Variants in PAX2 observed in about 807,000 individuals in gnomAD.
PAX2 encodes paired box 2, also known as paired box protein Pax-2.
PAX2 carries 9 observed loss-of-function variants against 41.7 expected under a neutral mutation model. The ratio of observed to expected loss-of-function variants is 0.22; its 90% CI spans 0.13 to 0.38. The LOEUF (loss-of-function observed/expected upper bound fraction) is 0.38, where lower values mean the gene tolerates loss of function less well. Among genes scored for constraint, PAX2 ranks in the 10% least tolerant of loss-of-function variants. The pLI, the probability that PAX2 is intolerant of heterozygous loss-of-function variation, is 1.00. For missense variants in PAX2, 418 were observed against 531.6 expected, an observed-to-expected ratio of 0.79 and a Z score of 2.10; for synonymous variants, 221 against 212.7, an observed-to-expected ratio of 1.04 and a Z score of -0.34.
At chr10:100,765,916 TATCATC>T (rs35255034) in intron 3 of PAX2, among the ~76,000 whole-genome samples, 16,179 of 150,868 alleles carry the variant, frequency 0.11, 2,339 homozygotes, top group African/African-American at 0.33. Context: ...CCTTTATATT[TATCATC>T]ATCATCATCA....
At chr10:100,737,621 G>C (rs953655463) in intron 1 of PAX2, among the ~76,000 whole-genome samples, 8 of 152,364 alleles carry the variant, frequency 5.3e-5, no homozygotes, top group Admixed American at 5.2e-4. Flanking sequence ...GCTCCGCAGA[G>C]CAGAGCTGCA....
chr10:100,738,776 G>A (rs1176195727), intron 1 of PAX2, among the ~76,000 whole-genome samples: 11 of 152,112 alleles, frequency 7.2e-5, no homozygotes, highest in Admixed American at 5.9e-4. Context: ...AAATAATTCT[G>A]GATGTAGGTG....
Position 100,750,600 on chromosome 10 carries a change from G to A in PAX2, c.213-94G>A, listed in dbSNP as rs1189680211. On this transcript the variant is annotated intron_variant, in intron 2 of 9. Coordinates refer to ENST00000355243, the MANE Select transcript of PAX2 (RefSeq NM_000278.5). This position sits in a 1 kb window ranked among gnomAD's most constrained non-coding sequence, Gnocchi z 4.1. ...TTCCCTCCACTCCGCTGCCTCGGCC[G>A]GGCAGGAGAGTGGCTCAGCAGCTCT... 6 of 1,126,276 alleles carry A rather than the reference G, an allele frequency of 5.3e-6. No homozygotes were observed. The highest frequency in any genetic ancestry group is 3.9e-5 in the Admixed American group (2 of 51,446). 69.8% of individuals were successfully genotyped at this position (1,126,276 alleles called of 1,614,324 possible). A position where few individuals can be genotyped will look rare whatever the true frequency, so the allele number is the denominator to read the frequency against.
At chr10:100,741,433 A>G (rs1463576477), upstream of PAX2, among the ~76,000 whole-genome samples, 5 of 128,946 alleles carry the variant, frequency 3.9e-5, 1 homozygote, top group African/African-American at 5.9e-5. Flanking sequence ...AAAAAAAACC[A>G]TCCTCCAACG....
chr10:100,742,638 G>T (rs542285778), upstream of PAX2, among the ~76,000 whole-genome samples: 5 of 152,042 alleles, frequency 3.3e-5, no homozygotes, highest in African/African-American at 9.7e-5. Flanking sequence ...TTAAATTTCC[G>T]CAGGGAGGCG....
At chr10:100,762,381 G>T (rs1361062381) in intron 3 of PAX2, among the ~76,000 whole-genome samples, 2 of 152,240 alleles carry the variant, frequency 1.3e-5, no homozygotes, top group African/African-American at 2.4e-5. Context: ...AGGACATTGT[G>T]CATGCACGCC....
At chr10:100,761,251 C>T (rs1845832548) in intron 3 of PAX2, among the ~76,000 whole-genome samples, 1 of 151,948 alleles carries the variant, frequency 6.6e-6, no homozygotes, top group Admixed American at 6.6e-5. Context: ...TGGGGCTGAG[C>T]ACTTAGCTCC....
chr10:100,773,824 C>T (rs1210724909), intron 3 of PAX2, among the ~76,000 whole-genome samples: 3 of 152,138 alleles, frequency 2.0e-5, no homozygotes, highest in African/African-American at 7.2e-5. Flanking sequence ...AATAGTGACA[C>T]AGGACTTGTG....
chr10:100,800,818 G>C (rs1723239624), intron 5 of PAX2, among the ~76,000 whole-genome samples: 1 of 152,184 alleles, frequency 6.6e-6, no homozygotes, highest in African/African-American at 2.4e-5. Flanking sequence ...GTGAGTGCAG[G>C]GCTGAATGAA....
chr10:100,825,757 G>A (rs545805357), intron 8 of PAX2, among the ~76,000 whole-genome samples: 1 of 152,262 alleles, frequency 6.6e-6, no homozygotes, highest in South Asian at 2.1e-4. Flanking sequence ...TAGGGGCAGC[G>A]GCAAAGAGGG....
At chr10:100,747,027 C>G (rs1334675449) in intron 1 of PAX2, 1 of 152,288 alleles carries the variant, frequency 6.6e-6, no homozygotes, top group Non-Finnish European at 1.5e-5. Flanking sequence ...TGTCAAGACA[C>G]GATGGTCATC....
rs991699231 is a variant in PAX2 at position 100,750,168 on chromosome 10, C to A, written c.212+254C>A. On this transcript the variant is annotated intron_variant, in intron 2 of 9. Transcript: ENST00000355243. This position sits in a 1 kb window ranked among gnomAD's most constrained non-coding sequence, Gnocchi z 4.1. Reference sequence around the variant, plus strand: ...TGGTGAGAAGGCAGCCCGTTTCTGGCTTCAGAAAGGGAAGGATGACTTTCC... The same window carrying A: ...TGGTGAGAAGGCAGCCCGTTTCTGGATTCAGAAAGGGAAGGATGACTTTCC... 2.0e-5 allele frequency among the ~76,000 whole-genome samples: 3 copies of A among 152,008 alleles called. No individual in the cohort carries two copies. The highest frequency in any genetic ancestry group is 1.3e-4 in the Admixed American group (2 of 15,282).
rs957470715 is a variant in PAX2 at position 100,814,891 on chromosome 10, T to C, written c.919+5655T>C. Among the ~76,000 whole-genome samples the C allele has an allele frequency of 3.3e-5, 5 of 152,244 alleles. No individual in the cohort carries two copies. In the South Asian group the frequency reaches 8.3e-4, roughly 25 times the overall value. ...AGGAAGAGGGAGCAGAAGAGGCTGG[T>C]CTCCCAGAAGCTGGCTGATTTGAGC... is the stretch of plus-strand genomic sequence containing the variant. On this transcript the variant is annotated intron_variant, in intron 7 of 9. Coordinates refer to ENST00000355243, the MANE Select transcript of PAX2 (RefSeq NM_000278.5).
At chr10:100,779,350 GCAGT>G in intron 3 of PAX2, 144 bp from the exon 4 acceptor site, 1 of 752,460 alleles carries the variant, frequency 1.3e-6, no homozygotes, top group Non-Finnish European at 2.4e-6. Flanking sequence ...GTGCCTTGCA[GCAGT>G]CAGTGAGGGC....
chr10:100,738,081 T>TGGCTCC (rs1170706849), intron 1 of PAX2, among the ~76,000 whole-genome samples: 59 of 152,392 alleles, frequency 3.9e-4, no homozygotes, highest in African/African-American at 1.3e-3. Flanking sequence ...CAGCTGGCTC[T>TGGCTCC]CTGGCTCCCT....
intron 5 of PAX2, among the ~76,000 whole-genome samples, chr10:100,796,665 T>C (rs1847349531): frequency 6.6e-6 from 1 of 152,162 alleles, no homozygotes; most frequent in Non-Finnish European, 1.5e-5. Flanking sequence ...GCCATGTCTT[T>C]CCCCCAGCAT....
intron 5 of PAX2, among the ~76,000 whole-genome samples, chr10:100,785,807 A>G (rs1455917681): frequency 6.6e-6 from 1 of 152,136 alleles, no homozygotes; most frequent in Non-Finnish European, 1.5e-5. Flanking sequence ...CAGGGCATGG[A>G]TGGGCAGTGG....
intron 5 of PAX2, among the ~76,000 whole-genome samples, chr10:100,802,530 A>T (rs1381923284): frequency 6.6e-6 from 1 of 152,102 alleles, no homozygotes; most frequent in African/African-American, 2.4e-5. Flanking sequence ...CTAGCCAGGG[A>T]TGTGTGGGGC....
Position 100,783,545 on chromosome 10 carries a change from G to A in PAX2, c.616+2180G>A, listed in dbSNP as rs147428272. On this transcript the variant is annotated intron_variant, in intron 5 of 9. Transcript: ENST00000355243. ...AAGGCCCTTTGGCCAGCCACTGCAG[G>A]GCAGCTTTAGCAGGGATAGAAGGCA... Among the ~76,000 whole-genome samples, 181 of 152,302 alleles carry A rather than the reference G, an allele frequency of 1.2e-3. 2 individuals carry two copies. Among genetic ancestry groups the A allele is most frequent in the African/African-American group, 4.2e-3 (176 of 41,568 alleles).
Sources: gnomAD v4.1 joint callset for allele counts (sites outside exome capture counted in the v4.1 genomes callset) on GRCh38, gnomAD v4.1.1 for gene constraint, Gnocchi (gnomAD v3.1) non-coding constraint, MANE v1.5 for transcripts, NCBI Gene and HGNC (gene_info 2026-07-23, HGNC 2026-07-21) for gene names.